Variants in MAP2 observed in about 807,000 individuals in gnomAD.
MAP2 encodes the protein microtubule associated protein 2.
MAP2 carries 14 observed loss-of-function variants against 137.6 expected under a neutral mutation model. That is an observed-to-expected ratio of 0.10 (90% CI 0.07 to 0.16). The LOEUF (loss-of-function observed/expected upper bound fraction) is 0.16. Among genes scored for constraint, MAP2 ranks in the 10% least tolerant of loss-of-function variants. The pLI is 1.00. For synonymous variants in MAP2, 786 were observed against 782.3 expected (o/e 1.00, Z -0.08); for missense variants, 2,088 against 2,191.5 (o/e 0.95, Z 0.94).
At chr2:209,445,974 A>G (rs148773518) in intron 1 of MAP2, among the ~76,000 whole-genome samples, 122 of 151,798 alleles carry the variant, frequency 8.0e-4, no homozygotes, top group African/African-American at 2.9e-3. Flanking sequence ...AAAAAAATCA[A>G]TGATCCATCA....
intron 4 of MAP2, among the ~76,000 whole-genome samples, chr2:209,640,029 C>CAAAACA (rs2093889808): frequency 6.6e-6 from 1 of 152,036 alleles, no homozygotes; most frequent in Non-Finnish European, 1.5e-5. Flanking sequence ...CAAAAACAAA[C>CAAAACA]AAAACAAAAA....
At chr2:209,641,037 C>G (rs2093985237) in intron 4 of MAP2, among the ~76,000 whole-genome samples, 1 of 152,046 alleles carries the variant, frequency 6.6e-6, no homozygotes, top group Middle Eastern at 3.2e-3. Context: ...CAGAAAATCT[C>G]TAAAGCATCT....
In MAP2 at chr2:209,696,082, A is replaced by G. The variant is rs765575876; in HGVS notation, c.3912A>G (p.Ser1304=). 6.2e-7 allele frequency: 1 copy of G among 1,614,076 alleles called. No individual in the cohort carries two copies. The highest frequency in any genetic ancestry group is 1.1e-5 in the South Asian group (1 of 91,086). Residue 1304 remains serine, a synonymous_variant, in exon 8 of 16, where the codon TCA becomes TCG. Coordinates refer to ENST00000682079, the MANE Select transcript of MAP2 (RefSeq NM_001375505.1). ...VVQTTTDEGE[S]GSHSVRFAAL... ...AAACCACAACTGATGAAGGGGAGTCAGGGTCCCACAGCGTGCGTTTTGCAG... is the reference window on the plus strand; with the variant it reads ...AAACCACAACTGATGAAGGGGAGTCGGGGTCCCACAGCGTGCGTTTTGCAG...
chr2:209,437,438 GT>G (rs1696617734), intron 1 of MAP2, among the ~76,000 whole-genome samples: 1 of 151,620 alleles, frequency 6.6e-6, no homozygotes, highest in Non-Finnish European at 1.5e-5. Context: ...GGGACTTATA[GT>G]ATAACTGTGA....
intron 4 of MAP2, among the ~76,000 whole-genome samples, chr2:209,650,684 C>T (rs762545501): frequency 5.3e-5 from 8 of 152,130 alleles, no homozygotes; most frequent in Admixed American, 4.6e-4. Flanking sequence ...AAGTAATGTT[C>T]ACTAATTATA....
intron 5 of MAP2, among the ~76,000 whole-genome samples, chr2:209,672,788 G>A (rs1250450311): frequency 6.6e-6 from 1 of 151,842 alleles, no homozygotes; most frequent in Non-Finnish European, 1.5e-5. Flanking sequence ...GTTATACAAG[G>A]TTGCTTAATA....
intron 2 of MAP2, among the ~76,000 whole-genome samples, chr2:209,573,298 G>GGTTTTTTTTTTTTTTTTTTTTT (rs770132978): frequency 1.8e-4 from 22 of 120,060 alleles, no homozygotes; most frequent in African/African-American, 7.0e-4. Flanking sequence ...TTCTTTTTCT[G>GGTTTTTTTTTTTTTTTTTTTTT]TTTTTTTTTT....
At chr2:209,555,138 C>T (rs1482861413) in intron 2 of MAP2, among the ~76,000 whole-genome samples, 1 of 151,648 alleles carries the variant, frequency 6.6e-6, no homozygotes, top group Admixed American at 6.6e-5. Context: ...GCCCAGTGCC[C>T]GTCATAATCC....
At chr2:209,575,518 CAAAAAAAA>C (rs71043942) in intron 2 of MAP2, among the ~76,000 whole-genome samples, 8 of 28,384 alleles carry the variant, frequency 2.8e-4, no homozygotes, top group African/African-American at 4.3e-4. Flanking sequence ...GACTCCATCT[CAAAAAAAA>C]AAAAAAAAAA....
intron 1 of MAP2, among the ~76,000 whole-genome samples, chr2:209,479,289 G>C (rs1169362572): frequency 6.6e-6 from 1 of 151,942 alleles, no homozygotes; most frequent in Admixed American, 6.6e-5. Flanking sequence ...GGATTTTGTG[G>C]GGTTTTGTTG....
intron 1 of MAP2, among the ~76,000 whole-genome samples, chr2:209,495,728 C>T (rs1054934747): frequency 3.3e-5 from 5 of 152,218 alleles, no homozygotes; most frequent in Non-Finnish European, 7.3e-5. Context: ...AATAATGCAT[C>T]TGACAAACTT....
chr2:209,448,120 C>A (rs1699518021), intron 1 of MAP2, among the ~76,000 whole-genome samples: 1 of 152,108 alleles, frequency 6.6e-6, no homozygotes, highest in African/African-American at 2.4e-5. Flanking sequence ...GAAGAAAAAT[C>A]TACTGTCCTA....
At chr2:209,711,087 A>G (rs1364338285) in intron 13 of MAP2, among the ~76,000 whole-genome samples, 3 of 152,208 alleles carry the variant, frequency 2.0e-5, no homozygotes, top group Non-Finnish European at 4.4e-5. Context: ...CATTGAAGAG[A>G]TATAAAACAA....
intron 3 of MAP2, among the ~76,000 whole-genome samples, chr2:209,588,230 A>G (rs892283696): frequency 3.9e-5 from 6 of 152,220 alleles, no homozygotes; most frequent in African/African-American, 1.4e-4. Flanking sequence ...TTCAATTGTT[A>G]AGAGTCTCAG....
At chr2:209,480,110 T>C (rs1336478447) in intron 1 of MAP2, among the ~76,000 whole-genome samples, 4 of 152,306 alleles carry the variant, frequency 2.6e-5, no homozygotes, top group East Asian at 1.9e-4. Context: ...TAGCTAAATA[T>C]GCACATTGAC....
chr2:209,466,633 T>C lies in MAP2; in HGVS notation c.-221-40959T>C, dbSNP rs186561033. On this transcript the variant is annotated intron_variant, in intron 1 of 15. Transcript: ENST00000682079. The stretch of plus-strand genomic sequence containing the variant: ...TTTGAATGGCAACTTAATTAAGAGG[T>C]AATGGAGCAAAGATTTAAGCTAGCT... 2.5e-3 allele frequency among the ~76,000 whole-genome samples: 381 copies of C among 152,284 alleles called. 1 individual carries two copies. Among genetic ancestry groups the C allele is most frequent in the Non-Finnish European group, 4.3e-3 (293 of 68,022 alleles).
intron 2 of MAP2, among the ~76,000 whole-genome samples, chr2:209,520,976 C>T (rs574900966): frequency 2.8e-4 from 42 of 152,168 alleles, no homozygotes; most frequent in Admixed American, 1.5e-3. Context: ...TGGTTAATGA[C>T]AATGACATTA....
intron 4 of MAP2, among the ~76,000 whole-genome samples, chr2:209,634,435 C>T (rs1415122061): frequency 6.6e-6 from 1 of 152,102 alleles, no homozygotes. Context: ...AGGGTCCAGA[C>T]TTCTTCCATG....
At chr2:209,547,324 C>CTT (rs35067972) in intron 2 of MAP2, among the ~76,000 whole-genome samples, 7 of 149,604 alleles carry the variant, frequency 4.7e-5, no homozygotes, top group African/African-American at 9.8e-5. Context: ...CACCTGAATT[C>CTT]TTTTTTTTTT....
Sources: allele counts gnomAD v4.1 joint callset (sites outside exome capture counted in the v4.1 genomes callset), GRCh38; gene constraint gnomAD v4.1.1; transcripts MANE v1.5; gene names NCBI Gene and HGNC (gene_info 2026-07-23, HGNC 2026-07-21).